Variants in SSU72 observed in about 807,000 individuals in gnomAD.
SSU72 encodes the protein SSU72 homolog, RNA polymerase II CTD phosphatase.
In SSU72, 12 loss-of-function variants were observed where a neutral mutation model predicts 22.7. The observed-to-expected ratio is 0.53, with a 90% CI of 0.34 to 0.86. SSU72 has a LOEUF of 0.86. Ranked by LOEUF, SSU72 falls within the 40% of genes least tolerant of loss-of-function variation. SSU72 has a pLI of 0.02. For synonymous variants in SSU72, 116 were observed against 98.3 expected (o/e 1.18, Z -1.06); for missense variants, 151 against 249.8 (o/e 0.60, Z 2.67).
intron 2 of SSU72, among the ~76,000 whole-genome samples, chr1:1,560,424 G>C (rs1452577557): frequency 6.6e-6 from 1 of 152,202 alleles, no homozygotes; most frequent in Non-Finnish European, 1.5e-5. Context: ...AACTGCAGGC[G>C]TGGCTCGTCT....
Position 1,574,611 on chromosome 1 carries a change from G to A in SSU72, c.-54C>T, listed in dbSNP as rs1642787400. On this transcript the variant is annotated 5_prime_UTR_variant, in exon 1 of 5. Coordinates refer to ENST00000291386, the MANE Select transcript of SSU72 (RefSeq NM_014188.3). ...CCGCTTGGGTTCCCACCCTACCGCG[G>A]CGCTTCCGCGCGAACAAAATGGCGG... 2.0e-6 allele frequency: 3 copies of A among 1,507,576 alleles called. No individual in the cohort carries two copies. The highest frequency in any genetic ancestry group is 2.2e-5 in the Admixed American group (1 of 46,050). The allele number at this position is 1,507,576 out of a possible 1,614,324, so 93.4% of individuals were successfully genotyped here.
intron 1 of SSU72, among the ~76,000 whole-genome samples, chr1:1,570,929 G>A (rs1642720865): frequency 6.7e-6 from 1 of 149,702 alleles, no homozygotes; most frequent in Non-Finnish European, 1.5e-5. Context: ...GGCCAACACA[G>A]TCAAACCCCA....
chr1:1,564,763 G>A lies in SSU72; in HGVS notation c.224+10C>T, dbSNP rs370231127. On this transcript the variant is annotated intron_variant, in intron 2 of 4. Transcript: ENST00000291386. ...ACGGGGGGTTTTTAAAGGGCAACCCGCTGGGATACAGTTCTTTGTCTTTCC... is the reference window on the plus strand; with the variant it reads ...ACGGGGGGTTTTTAAAGGGCAACCCACTGGGATACAGTTCTTTGTCTTTCC... 7.4e-5 allele frequency: 119 copies of A among 1,614,182 alleles called. 1 individual carries two copies. The South Asian group carries it at 7.6e-4, about 10-fold the overall frequency.
chr1:1,564,186 G>C (rs1376180264), intron 2 of SSU72: 1 of 206,314 alleles, frequency 4.8e-6, no homozygotes, highest in Non-Finnish European at 9.7e-6. Flanking sequence ...GCGTCCATCA[G>C]AATCTAGTTT....
At chr1:1,559,979 C>T (rs868067793) in intron 2 of SSU72, among the ~76,000 whole-genome samples, 5 of 152,138 alleles carry the variant, frequency 3.3e-5, no homozygotes, top group Non-Finnish European at 7.4e-5. Flanking sequence ...CCCACCTCGG[C>T]CTCCCAAAGT....
intron 2 of SSU72, among the ~76,000 whole-genome samples, chr1:1,553,770 T>G (rs1570388047): frequency 2.3e-5 from 3 of 129,758 alleles, no homozygotes; most frequent in African/African-American, 9.1e-5. Flanking sequence ...CCAGCCTGGG[T>G]GGCAGAGCGA....
rs369120574 is a variant in SSU72, at chr1:1,571,876, T to C, written c.80+2602A>G. Among the ~76,000 whole-genome samples, 45 of 151,912 alleles carry C rather than the reference T, an allele frequency of 3.0e-4. No individual in the cohort carries two copies. The East Asian group carries it at 6.5e-3, about 22-fold the overall frequency. ...GATCTCAGCTCACTGCAAGCTCTGC[T>C]TCCTGCTTCCCGGGTTCACGCCATT... is the stretch of plus-strand genomic sequence containing the variant. On this transcript the variant is annotated intron_variant, in intron 1 of 4. Transcript: ENST00000291386.
In SSU72 at chr1:1,543,151, T is replaced by C. The variant is rs565471078; in HGVS notation, c.483+718A>G. Among the ~76,000 whole-genome samples, 24 of 152,342 alleles carry C rather than the reference T, an allele frequency of 1.6e-4. 1 individual carries two copies. The highest frequency in any genetic ancestry group is 1.3e-3 in the Admixed American group (20 of 15,310). Reference sequence around the variant, plus strand: ...CACCTCCACGCCGCAGCAGGGTGGCTACAGAAGCCTTGGGGTGCCCCGGCC... The same window carrying C: ...CACCTCCACGCCGCAGCAGGGTGGCCACAGAAGCCTTGGGGTGCCCCGGCC... On this transcript the variant is annotated intron_variant, in intron 4 of 4. Coordinates refer to ENST00000291386, the MANE Select transcript of SSU72 (RefSeq NM_014188.3).
chr1:1,568,717 G>T (rs550961991), intron 1 of SSU72, among the ~76,000 whole-genome samples: 2 of 151,922 alleles, frequency 1.3e-5, no homozygotes, highest in Admixed American at 1.3e-4. Flanking sequence ...TTGAGGTCGG[G>T]AGTTTGAGAC....
Position 1,543,969 on chromosome 1 carries a change from T to G in SSU72, c.383A>C (p.Gln128Pro). ...QVVEDLNSRE[Q>P]ETCQPVHVVN... is the part of the protein sequence containing the mutation. ...CACGTGCACAGGCTGGCAGGTCTCC[T>G]GTTCTCTGGAATTCAGATCTGATTG... The change falls in exon 4 of 5, where the codon CAG (glutamine) becomes CCG (proline). Residue 128 changes from glutamine to proline, a missense_variant. Transcript: ENST00000291386. The G allele has an allele frequency of 6.2e-7, 1 of 1,613,738 alleles. No individual in the cohort carries two copies. The highest frequency in any genetic ancestry group is 8.5e-7 in the Non-Finnish European group (1 of 1,179,830).
chr1:1,573,386 C>T lies in SSU72; in HGVS notation c.80+1092G>A, dbSNP rs1186566832. On this transcript the variant is annotated intron_variant, in intron 1 of 4. Coordinates refer to ENST00000291386, the MANE Select transcript of SSU72 (RefSeq NM_014188.3). ...CACAAGTTGCAGTGAGCCGAGATCG[C>T]GCTACTGCACTCCAGTTTGGGCGAC... 2.1e-5 allele frequency among the ~76,000 whole-genome samples: 3 copies of T among 145,654 alleles called. No homozygotes were observed. In the South Asian group the frequency reaches 6.4e-4, roughly 31 times the overall value.
intron 1 of SSU72, among the ~76,000 whole-genome samples, chr1:1,574,108 T>C (rs1048119879): frequency 1.3e-5 from 2 of 151,354 alleles, no homozygotes; most frequent in African/African-American, 4.9e-5. Context: ...AACATCGTGG[T>C]ATGCCGTGAT....
chr1:1,543,863 A>G lies in SSU72; in HGVS notation c.483+6T>C. 6.2e-7 allele frequency: 1 copy of G among 1,607,816 alleles called. No individual in the cohort carries two copies. The highest frequency in any genetic ancestry group is 8.5e-7 in the Non-Finnish European group (1 of 1,175,208). On this transcript the variant is annotated splice_donor_region_variant and intron_variant, in intron 4 of 4. Coordinates refer to ENST00000291386, the MANE Select transcript of SSU72 (RefSeq NM_014188.3). The stretch of plus-strand genomic sequence containing the variant: ...TGCCCAGCGCGGCGCCCAGCCGGGT[A>G]CTTACACACTGGCAGAGCTCACAGA...
intron 2 of SSU72, among the ~76,000 whole-genome samples, chr1:1,553,715 C>T (rs931237633): frequency 1.3e-5 from 2 of 151,036 alleles, no homozygotes; most frequent in African/African-American, 4.9e-5. Context: ...GGTGTGAACC[C>T]GGGAGGCAGA....
At chr1:1,545,133 G>A (rs1242601357) in intron 2 of SSU72, 131 bp from the exon 3 acceptor site, 8 of 1,095,894 alleles carry the variant, frequency 7.3e-6, no homozygotes, top group African/African-American at 3.1e-5. Context: ...CCTGGACAGC[G>A]GAGTGGGCCA....
At chr1:1,551,293 C>T (rs1286977319) in intron 2 of SSU72, among the ~76,000 whole-genome samples, 1 of 152,172 alleles carries the variant, frequency 6.6e-6, no homozygotes. Context: ...ATAAGCCCCA[C>T]AGTAAAGACA....
intron 2 of SSU72, 144 bp downstream of exon 2, chr1:1,564,629 G>C: frequency 6.2e-7 from 1 of 1,613,836 alleles, no homozygotes; most frequent in Non-Finnish European, 8.5e-7. Context: ...ACGTGCACCA[G>C]GAATAGAAAC....
chr1:1,544,554 G>A (rs1264646660), intron 3 of SSU72: 2 of 387,042 alleles, frequency 5.2e-6, no homozygotes, highest in African/African-American at 4.1e-5. Context: ...GGAGGCAGAG[G>A]TTGCAGTGAG....
At chr1:1,555,872 G>A (rs1257057911) in intron 2 of SSU72, among the ~76,000 whole-genome samples, 1 of 152,052 alleles carries the variant, frequency 6.6e-6, no homozygotes, top group Admixed American at 6.6e-5. Context: ...GGTGGCTCAT[G>A]GCTGGAGTCC....
Sources: allele counts gnomAD v4.1 joint callset (sites outside exome capture counted in the v4.1 genomes callset), GRCh38; gene constraint gnomAD v4.1.1; transcripts MANE v1.5; gene names NCBI Gene and HGNC (gene_info 2026-07-23, HGNC 2026-07-21).